DMRT2: variants seen among roughly 807,000 people sequenced by gnomAD.
DMRT2 encodes doublesex- and mab-3-related transcription factor 2.
Under a neutral mutation model 43.5 loss-of-function variants are expected in DMRT2, and 33 were observed. That is an observed-to-expected ratio of 0.76 (90% CI 0.58 to 1.01). The LOEUF is 1.01. DMRT2 is among the 50% of genes least tolerant of loss of function. DMRT2 has a pLI of 0.00. For synonymous variants in DMRT2, 395 were observed against 309.2 expected, an observed-to-expected ratio of 1.28 and a Z score of -2.91; for missense variants, 1,064 against 748.0, an observed-to-expected ratio of 1.42 and a Z score of -4.93.
Position 1,052,144 on chromosome 9 carries a change from T to C in DMRT2, c.525+6T>C. ...GGAGGCAGCAGGCCACCGAGGTGCG[T>C]ACCCGCCCGGCCCGGGCGTCTCAGG... On this transcript the variant is annotated splice_donor_region_variant and intron_variant, in intron 2 of 3. Coordinates refer to ENST00000358146, the MANE Select transcript of DMRT2 (RefSeq NM_181872.6). The C allele has an allele frequency of 2.2e-6, 3 of 1,380,160 alleles. No individual in the cohort carries two copies. Among genetic ancestry groups the C allele is most frequent in the Non-Finnish European group, 2.8e-6 (3 of 1,073,098 alleles). The allele number at this position is 1,380,160 out of a possible 1,614,324, so 85.5% of individuals were successfully genotyped here.
In DMRT2 at chr9:1,051,536, CG is replaced by C; in HGVS notation, c.-44-32del. ...CTCAGGGATGGTCCCTGACGGCGGC[CG>C]GTGGGTCTTTGGATTTCTTTGTGTT... On this transcript the variant is annotated intron_variant, in intron 1 of 3. Transcript: ENST00000358146. The surrounding 1 kb of genome is among the most constrained non-coding windows in gnomAD (Gnocchi z 5.9). 1 of 1,428,138 alleles carries C rather than the reference CG, an allele frequency of 7.0e-7. No homozygotes were observed. The highest frequency in any genetic ancestry group is 9.1e-7 in the Non-Finnish European group (1 of 1,100,940). The allele number at this position is 1,428,138 out of a possible 1,614,324, so 88.5% of individuals were successfully genotyped here.
chr9:1,051,468 C>T lies in DMRT2; in HGVS notation c.-44-102C>T, dbSNP rs1027008672. The T allele has an allele frequency of 7.4e-6, 10 of 1,353,750 alleles. No homozygotes were observed. Among genetic ancestry groups the T allele is most frequent in the East Asian group, 3.0e-5 (1 of 33,402 alleles). The allele number at this position is 1,353,750 out of a possible 1,614,324, so 83.9% of individuals were successfully genotyped here. A position where few individuals can be genotyped will look rare whatever the true frequency, so the allele number is the denominator to read the frequency against. ...GACATGTAATGAGAACAGGATGACT[C>T]AAGCGGCCGGAGGCGGGCAGACCAG... is the stretch of plus-strand genomic sequence containing the variant. On this transcript the variant is annotated intron_variant, in intron 1 of 3. Coordinates refer to ENST00000358146, the MANE Select transcript of DMRT2 (RefSeq NM_181872.6). The surrounding 1 kb of genome is among the most constrained non-coding windows in gnomAD (Gnocchi z 5.9).
chr9:1,052,118 C>A lies in DMRT2; in HGVS notation c.505C>A (p.Arg169=). The part of the protein sequence containing the change: ...QRVMAAQVAL[R]RQQATEDKKG... The stretch of plus-strand genomic sequence containing the variant: ...CGTCATGGCCGCCCAGGTGGCGCTC[C>A]GGAGGCAGCAGGCCACCGAGGTGCG... Residue 169 remains arginine (R), a synonymous_variant, in exon 2 of 4, where the codon CGG becomes AGG. Transcript: ENST00000358146. 2.1e-6 allele frequency: 3 copies of A among 1,417,112 alleles called. No homozygotes were observed. The highest frequency in any genetic ancestry group is 2.7e-6 in the Non-Finnish European group (3 of 1,091,294). 87.8% of individuals were successfully genotyped at this position (1,417,112 alleles called of 1,614,324 possible).
chr9:1,054,023 A>C (rs1305827074), intron 3 of DMRT2, among the ~76,000 whole-genome samples, 199 bp downstream of exon 3: 1 of 152,230 alleles, frequency 6.6e-6, no homozygotes, highest in African/African-American at 2.4e-5. Flanking sequence ...TGGCCCGGGA[A>C]CCAGAAAGTT....
At position 1,056,307 on chromosome 9, in the gene DMRT2, T is replaced by C; in HGVS notation, c.720T>C (p.Phe240=). 1 of 1,614,214 alleles carries C rather than the reference T, an allele frequency of 6.2e-7. No individual in the cohort carries two copies. Among genetic ancestry groups the C allele is most frequent in the Non-Finnish European group, 8.5e-7 (1 of 1,180,050 alleles). ...ACAGGATGAGGAAAAGAAGAGCCTT[T>C]GCTGATAAAGAGTTGGAGAACATTA... ...VSDRMRKRRA[F]ADKELENIML... is the part of the protein sequence containing the mutation. The change falls in exon 4 of 4, where the codon TTT becomes TTC. Residue 240 remains phenylalanine, a synonymous_variant. Coordinates refer to ENST00000358146, the MANE Select transcript of DMRT2 (RefSeq NM_181872.6).
chr9:1,055,998 A>G (rs1387053686), intron 3 of DMRT2: 32 of 1,415,250 alleles, frequency 2.3e-5, no homozygotes, highest in Admixed American at 9.8e-5. Flanking sequence ...AAGAACAAGA[A>G]CAACAACAAG....
Position 1,056,351 on chromosome 9 carries a change from A to T in DMRT2, c.764A>T (p.Lys255Ile). The change falls in exon 4 of 4, where the codon AAA becomes ATA. Residue 255 changes from lysine to isoleucine, a missense_variant. Coordinates refer to ENST00000358146, the MANE Select transcript of DMRT2 (RefSeq NM_181872.6). ...AACATTATGCTGGAGAGAGAATATA[A>T]AGAAAGGGAGATGTTGGAAACTTCT... ...LENIMLEREY[K>I]EREMLETSQA... The T allele has an allele frequency of 6.2e-7, 1 of 1,614,182 alleles. No homozygotes were observed. The highest frequency in any genetic ancestry group is 8.5e-7 in the Non-Finnish European group (1 of 1,180,038).
In DMRT2 at chr9:1,050,491, C is replaced by G. The variant is rs1022139827; in HGVS notation, c.-329C>G. Reference sequence around the variant, plus strand: ...AAAGCGGCCTCAGCAAGGTGAGGCGCCCGAGGCTGCAGAAGACCGAGCAGA... The same window carrying G: ...AAAGCGGCCTCAGCAAGGTGAGGCGGCCGAGGCTGCAGAAGACCGAGCAGA... On this transcript the variant is annotated 5_prime_UTR_variant, in exon 1 of 4. Coordinates refer to ENST00000358146, the MANE Select transcript of DMRT2 (RefSeq NM_181872.6). 5.9e-5 allele frequency: 9 copies of G among 152,268 alleles called. No homozygotes were observed. Among genetic ancestry groups the G allele is most frequent in the Non-Finnish European group, 1.2e-4 (8 of 68,072 alleles). 9.4% of individuals were successfully genotyped at this position (152,268 alleles called of 1,614,324 possible).
intron 3 of DMRT2, 147 bp from the exon 4 acceptor site, chr9:1,056,069 A>T: frequency 6.9e-7 from 1 of 1,458,970 alleles, no homozygotes; most frequent in Non-Finnish European, 9.0e-7. Context: ...CCTAATCTGT[A>T]CTTTTGCATC....
At position 1,057,382 on chromosome 9, in the gene DMRT2, AGAT is replaced by A. The variant is rs1822081273; in HGVS notation, c.*116_*118del. ...TTGTGTAAAGAAATTTCTAATGTAAAGATGATGATTTTGAAAAATTTTATATAT... is the reference window on the plus strand; with the variant it reads ...TTGTGTAAAGAAATTTCTAATGTAAAGATGATTTTGAAAAATTTTATATAT... On this transcript the variant is annotated 3_prime_UTR_variant, in exon 4 of 4. Coordinates refer to ENST00000358146, the MANE Select transcript of DMRT2 (RefSeq NM_181872.6). 2 of 1,327,220 alleles carry A rather than the reference AGAT, an allele frequency of 1.5e-6. No homozygotes were observed. Among genetic ancestry groups the A allele is most frequent in the Admixed American group, 2.6e-5 (1 of 38,254 alleles). 82.2% of individuals were successfully genotyped at this position (1,327,220 alleles called of 1,614,324 possible).
intron 2 of DMRT2, 33 bp downstream of exon 2, chr9:1,052,171 C>G (rs780258369): frequency 1.5e-6 from 2 of 1,331,770 alleles, no homozygotes; most frequent in South Asian, 3.8e-5. Context: ...CGTCTCAGGC[C>G]ACAGTGGAGG....
intron 3 of DMRT2, chr9:1,055,638 A>G (rs753664115): frequency 3.1e-6 from 4 of 1,298,694 alleles, no homozygotes; most frequent in Non-Finnish European, 3.0e-6. Context: ...TCAATTTTCT[A>G]TGCTTCTCTA....
rs1255645795 is a variant in DMRT2, at chr9:1,051,104, T to C, written c.-45+329T>C. On this transcript the variant is annotated intron_variant, in intron 1 of 3. Transcript: ENST00000358146. This position sits in a 1 kb window ranked among gnomAD's most constrained non-coding sequence, Gnocchi z 5.9. Reference sequence around the variant, plus strand: ...GCTGATGAGAGGCATTTGGGAAGCATAGAGTGGTACTTCAGTGAGTCTGAA... The same window carrying C: ...GCTGATGAGAGGCATTTGGGAAGCACAGAGTGGTACTTCAGTGAGTCTGAA... 6.6e-6 allele frequency among the ~76,000 whole-genome samples: 1 copy of C among 152,066 alleles called. No individual in the cohort carries two copies. Among genetic ancestry groups the C allele is most frequent in the Non-Finnish European group, 1.5e-5 (1 of 68,008 alleles).
chr9:1,052,086 G>C lies in DMRT2; in HGVS notation c.473G>C (p.Arg158Pro). ...GCCAACTGCCTGCTGGTGGTGGAGCGGCAGCGCGTCATGGCCGCCCAGGTG... is the reference window on the plus strand; with the variant it reads ...GCCAACTGCCTGCTGGTGGTGGAGCCGCAGCGCGTCATGGCCGCCCAGGTG... ...QCANCLLVVE[R>P]QRVMAAQVAL... Residue 158 changes from arginine to proline, a missense_variant, in exon 2 of 4, where the codon CGG becomes CCG. Arg to Pro is a moderately radical substitution (Grantham distance 103, BLOSUM62 -2). Coordinates refer to ENST00000358146, the MANE Select transcript of DMRT2 (RefSeq NM_181872.6). The C allele has an allele frequency of 6.9e-7, 1 of 1,454,650 alleles. No homozygotes were observed. Among genetic ancestry groups the C allele is most frequent in the Non-Finnish European group, 9.0e-7 (1 of 1,109,400 alleles). The allele number at this position is 1,454,650 out of a possible 1,614,324, so 90.1% of individuals were successfully genotyped here.
At position 1,057,137 on chromosome 9, in the gene DMRT2, C is replaced by G. The variant is rs139766473; in HGVS notation, c.1550C>G (p.Thr517Arg). ...AAGGACAACCAGAAGTACACATTTACAATAGATAGATGTGCAAAAGACCTT... is the reference window on the plus strand; with the variant it reads ...AAGGACAACCAGAAGTACACATTTAGAATAGATAGATGTGCAAAAGACCTT... The part of the protein sequence containing the change: ...LVKDNQKYTF[T>R]IDRCAKDLFV... The change falls in exon 4 of 4, where the codon ACA becomes AGA. Residue 517 changes from threonine to arginine, a missense_variant. Thr to Arg is a moderately conservative substitution (Grantham distance 71). Coordinates refer to ENST00000358146, the MANE Select transcript of DMRT2 (RefSeq NM_181872.6). 1.2e-6 allele frequency: 2 copies of G among 1,613,904 alleles called. No homozygotes were observed. Among genetic ancestry groups the G allele is most frequent in the Non-Finnish European group, 1.7e-6 (2 of 1,180,044 alleles).
Position 1,056,932 on chromosome 9 carries a change from G to T in DMRT2, c.1345G>T (p.Gly449Trp). 2 of 1,614,136 alleles carry T rather than the reference G, an allele frequency of 1.2e-6. No homozygotes were observed. The highest frequency in any genetic ancestry group is 1.7e-6 in the Non-Finnish European group (2 of 1,180,030). ...IVDTDSLAAQ[G>W]HVLTKISKEN... ...TGACACGGACTCCCTGGCAGCTCAA[G>T]GGCATGTCTTAACGAAGATCAGCAA... The change falls in exon 4 of 4, where the codon GGG (glycine) becomes TGG (tryptophan). Residue 449 changes from glycine to tryptophan, a missense_variant. Coordinates refer to ENST00000358146, the MANE Select transcript of DMRT2 (RefSeq NM_181872.6).
At position 1,053,803 on chromosome 9, in the gene DMRT2, C is replaced by A. The variant is rs770591982; in HGVS notation, c.607C>A (p.Leu203Met). The A allele has an allele frequency of 1.9e-6, 3 of 1,614,038 alleles. No individual in the cohort carries two copies. The highest frequency in any genetic ancestry group is 1.7e-6 in the Non-Finnish European group (2 of 1,179,968). Residue 203 changes from leucine (L) to methionine (M), a missense_variant, in exon 3 of 4, where the codon CTG becomes ATG. Transcript: ENST00000358146. ...GAGGCAAGTCAGAGCCCCCAGTTTG[C>A]TGGCCAAAAGCATTTTAGAAGGTAA... ...YQRQVRAPSL[L>M]AKSILEGYRP...
At chr9:1,055,864 C>A in intron 3 of DMRT2, 1 of 1,516,358 alleles carries the variant, frequency 6.6e-7, no homozygotes, top group Admixed American at 2.6e-5. Flanking sequence ...TTGATTGATA[C>A]AAGATAAATA....
chr9:1,056,175 A>G, intron 3 of DMRT2, 41 bp from the exon 4 acceptor site: 1 of 1,553,058 alleles, frequency 6.4e-7, no homozygotes, highest in South Asian at 1.3e-5. Flanking sequence ...TTTATTCCGT[A>G]GATGTTAATC....
Sources: allele counts gnomAD v4.1 joint callset (sites outside exome capture counted in the v4.1 genomes callset), GRCh38; gene constraint gnomAD v4.1.1; non-coding constraint Gnocchi (gnomAD v3.1); transcripts MANE v1.5; gene names NCBI Gene and HGNC (gene_info 2026-07-23, HGNC 2026-07-21).